Variants in PLEKHA3 observed in about 807,000 individuals in gnomAD.
PLEKHA3 encodes pleckstrin homology domain containing A3.
PLEKHA3 carries 19 observed loss-of-function variants against 39.2 expected under a neutral mutation model. That is an observed-to-expected ratio of 0.48 (90% CI 0.34 to 0.71). PLEKHA3 has a LOEUF of 0.71. Among genes scored for constraint, PLEKHA3 ranks in the 30% least tolerant of loss-of-function variants. The pLI, the probability that PLEKHA3 is intolerant of heterozygous loss-of-function variation, is 0.01. For synonymous variants in PLEKHA3, 97 were observed against 118.6 expected, an observed-to-expected ratio of 0.82 and a Z score of 1.18; for missense variants, 253 against 359.5, an observed-to-expected ratio of 0.70 and a Z score of 2.40.
chr2:178,485,538 G>A (rs1685234939), intron 1 of PLEKHA3, 103 bp from the exon 2 acceptor site: 1 of 737,196 alleles, frequency 1.4e-6, no homozygotes, highest in African/African-American at 1.8e-5. Flanking sequence ...TGTTATTTGA[G>A]AGCCAAGAAA....
At chr2:178,503,048 A>G (rs1236657432) in intron 7 of PLEKHA3, among the ~76,000 whole-genome samples, 3 of 152,050 alleles carry the variant, frequency 2.0e-5, no homozygotes, top group East Asian at 1.9e-4. Context: ...TGTGAGATGC[A>G]ACTGCTTCTA....
At position 178,510,917 on chromosome 2, in the gene PLEKHA3, T is replaced by G. The variant is rs779884458; in HGVS notation, c.*7030T>G. On this transcript the variant is annotated 3_prime_UTR_variant, in exon 8 of 8. Coordinates refer to ENST00000234453, the MANE Select transcript of PLEKHA3 (RefSeq NM_019091.4). ...AATTTAAATACTATGTTCAATTTTT[T>G]TAATGGTCTGCTTCAGATTTTTTTT... 1 of 152,218 alleles carries G rather than the reference T, an allele frequency of 6.6e-6. No individual in the cohort carries two copies. 9.4% of individuals were successfully genotyped at this position (152,218 alleles called of 1,614,324 possible). A position where few individuals can be genotyped will look rare whatever the true frequency, so the allele number is the denominator to read the frequency against.
intron 5 of PLEKHA3, among the ~76,000 whole-genome samples, chr2:178,497,539 T>C (rs1220238084): frequency 2.0e-5 from 3 of 152,236 alleles, no homozygotes; most frequent in African/African-American, 7.2e-5. Context: ...CCATTTTATG[T>C]ATTTTTTAAT....
At chr2:178,497,759 T>G (rs1685470831) in intron 5 of PLEKHA3, among the ~76,000 whole-genome samples, 1 of 151,896 alleles carries the variant, frequency 6.6e-6, no homozygotes, top group Non-Finnish European at 1.5e-5. Flanking sequence ...CTTTTTAGAG[T>G]CAAATGCAGT....
chr2:178,492,760 A>G (rs1685372474), intron 3 of PLEKHA3, among the ~76,000 whole-genome samples: 2 of 152,162 alleles, frequency 1.3e-5, no homozygotes, highest in South Asian at 4.1e-4. Flanking sequence ...GGGAGGTGGA[A>G]ACAGGGTTAG....
At position 178,508,050 on chromosome 2, in the gene PLEKHA3, GGTGTGTGTGT is replaced by G. The variant is rs71023446; in HGVS notation, c.*4193_*4202del. 1.8e-4 allele frequency: 25 copies of G among 142,438 alleles called. No homozygotes were observed. The highest frequency in any genetic ancestry group is 4.6e-4 in the South Asian group (2 of 4,378). The allele number at this position is 142,438 out of a possible 1,614,324, so 8.8% of individuals were successfully genotyped here. A position where few individuals can be genotyped will look rare whatever the true frequency, so the allele number is the denominator to read the frequency against. On this transcript the variant is annotated 3_prime_UTR_variant, in exon 8 of 8. Transcript: ENST00000234453. ...TAGAGATTTGTCTGCTTCAGTTCTGGGTGTGTGTGTGTGTGTGTGTGTGTGTGTGTGTGTG... is the reference window on the plus strand; with the variant it reads ...TAGAGATTTGTCTGCTTCAGTTCTGGGTGTGTGTGTGTGTGTGTGTGTGTG...
intron 2 of PLEKHA3, among the ~76,000 whole-genome samples, chr2:178,488,368 T>G (rs1685286960): frequency 6.6e-6 from 1 of 152,270 alleles, no homozygotes; most frequent in Non-Finnish European, 1.5e-5. Context: ...TATTGGATCC[T>G]TTTATGACCC....
At chr2:178,489,055 GTAGCAACATCAT>G (rs1286365997) in intron 2 of PLEKHA3, 1 of 411,018 alleles carries the variant, frequency 2.4e-6, no homozygotes, top group Non-Finnish European at 4.9e-6. Context: ...GTTTCATCTT[GTAGCAACATCAT>G]TAGAAATTAG....
intron 3 of PLEKHA3, among the ~76,000 whole-genome samples, chr2:178,491,632 G>A (rs1377019653): frequency 6.6e-6 from 1 of 152,178 alleles, no homozygotes; most frequent in Non-Finnish European, 1.5e-5. Context: ...TATGTTATTA[G>A]TTCAACTATA....
intron 5 of PLEKHA3, 121 bp from the exon 6 acceptor site, chr2:178,499,090 G>A: frequency 1.3e-6 from 1 of 796,920 alleles, no homozygotes; most frequent in Non-Finnish European, 1.8e-6. Context: ...ATTTTTTTTT[G>A]CCAGTTATCT....
chr2:178,506,643 G>A lies in PLEKHA3; in HGVS notation c.*2756G>A, dbSNP rs1685603865. 1 of 152,168 alleles carries A rather than the reference G, an allele frequency of 6.6e-6. No individual in the cohort carries two copies. The highest frequency in any genetic ancestry group is 2.1e-4 in the South Asian group (1 of 4,830). The allele number at this position is 152,168 out of a possible 1,614,324, so 9.4% of individuals were successfully genotyped here. A position where few individuals can be genotyped will look rare whatever the true frequency, so the allele number is the denominator to read the frequency against. ...CCTTGTGATATGTTAATACCAGATT[G>A]CTGTTTACACTAATTCCATATACAT... On this transcript the variant is annotated 3_prime_UTR_variant, in exon 8 of 8. Transcript: ENST00000234453.
Position 178,506,843 on chromosome 2 carries a change from CG to C in PLEKHA3, c.*2959del. The C allele has an allele frequency of 6.6e-6, 1 of 152,170 alleles. No individual in the cohort carries two copies. 9.4% of individuals were successfully genotyped at this position (152,170 alleles called of 1,614,324 possible). A position where few individuals can be genotyped will look rare whatever the true frequency, so the allele number is the denominator to read the frequency against. The stretch of plus-strand genomic sequence containing the variant: ...GAGGTCTGTCTTTTAATAACCCTGG[CG>C]GGTAAATGAATGGTAGGTAGCTGGT... On this transcript the variant is annotated 3_prime_UTR_variant, in exon 8 of 8. Transcript: ENST00000234453.
intron 6 of PLEKHA3, among the ~76,000 whole-genome samples, 162 bp downstream of exon 6, chr2:178,499,416 AT>A (rs1685495777): frequency 1.3e-5 from 2 of 152,162 alleles, no homozygotes; most frequent in Admixed American, 1.3e-4. Flanking sequence ...AGTATTTAGT[AT>A]AAGGGCCTGG....
At position 178,506,755 on chromosome 2, in the gene PLEKHA3, T is replaced by C. The variant is rs898198770; in HGVS notation, c.*2868T>C. ...TACTTTGAGCCTTGATCTGGGTACT[T>C]GGTACAGAGGGAGTGTCCTGGCCTG... On this transcript the variant is annotated 3_prime_UTR_variant, in exon 8 of 8. Coordinates refer to ENST00000234453, the MANE Select transcript of PLEKHA3 (RefSeq NM_019091.4). The C allele has an allele frequency of 6.6e-6, 1 of 152,174 alleles. No individual in the cohort carries two copies. Among genetic ancestry groups the C allele is most frequent in the Admixed American group, 6.6e-5 (1 of 15,266 alleles). 9.4% of individuals were successfully genotyped at this position (152,174 alleles called of 1,614,324 possible).
chr2:178,480,958 T>C (rs1337498898), intron 1 of PLEKHA3, 49 bp downstream of exon 1: 2 of 1,298,074 alleles, frequency 1.5e-6, no homozygotes, highest in East Asian at 5.6e-5. Context: ...GGGGGGCTGC[T>C]GAGAAGGCGG....
In PLEKHA3 at chr2:178,509,307, C is replaced by A. The variant is rs891423427; in HGVS notation, c.*5420C>A. On this transcript the variant is annotated 3_prime_UTR_variant, in exon 8 of 8. Transcript: ENST00000234453. ...CTTTAGTATTAATTTGTAATTCATT[C>A]TAGTGATTTTTAATTCATATGGTTT... 79 of 151,968 alleles carry A rather than the reference C, an allele frequency of 5.2e-4. No individual in the cohort carries two copies. Among genetic ancestry groups the A allele is most frequent in the African/African-American group, 1.9e-3 (77 of 41,360 alleles). 9.4% of individuals were successfully genotyped at this position (151,968 alleles called of 1,614,324 possible). A position where few individuals can be genotyped will look rare whatever the true frequency, so the allele number is the denominator to read the frequency against.
Position 178,512,942 on chromosome 2 carries a change from A to G in PLEKHA3, c.*9055A>G, listed in dbSNP as rs530859395. ...TCTTTTCTAGTATATATTCTTCCAG[A>G]CCTTTTTCCTGTGTATTGACTTTTA... On this transcript the variant is annotated 3_prime_UTR_variant, in exon 8 of 8. Transcript: ENST00000234453. 4 of 153,678 alleles carry G rather than the reference A, an allele frequency of 2.6e-5. No individual in the cohort carries two copies. The Admixed American group carries it at 2.6e-4, about 10-fold the overall frequency. 9.5% of individuals were successfully genotyped at this position (153,678 alleles called of 1,614,324 possible). A position where few individuals can be genotyped will look rare whatever the true frequency, so the allele number is the denominator to read the frequency against.
chr2:178,494,611 G>T (rs1685409827), intron 4 of PLEKHA3, among the ~76,000 whole-genome samples: 1 of 152,148 alleles, frequency 6.6e-6, no homozygotes, highest in Non-Finnish European at 1.5e-5. Flanking sequence ...GGAATCTTGT[G>T]TAAGAAGCCC....
At position 178,514,237 on chromosome 2, in the gene PLEKHA3, G is replaced by C. The variant is rs1392882056; in HGVS notation, c.*10350G>C. On this transcript the variant is annotated 3_prime_UTR_variant, in exon 8 of 8. Coordinates refer to ENST00000234453, the MANE Select transcript of PLEKHA3 (RefSeq NM_019091.4). ...CTCCTGTGTCATCTCTGATGTTGTG[G>C]CTAATTTTAAGACTTTGATTTTTCA... 5 of 150,718 alleles carry C rather than the reference G, an allele frequency of 3.3e-5. No homozygotes were observed. Among genetic ancestry groups the C allele is most frequent in the African/African-American group, 4.9e-5 (2 of 40,862 alleles). 9.3% of individuals were successfully genotyped at this position (150,718 alleles called of 1,614,324 possible). A position where few individuals can be genotyped will look rare whatever the true frequency, so the allele number is the denominator to read the frequency against.
Sources: allele counts gnomAD v4.1 joint callset (sites outside exome capture counted in the v4.1 genomes callset), GRCh38; gene constraint gnomAD v4.1.1; transcripts MANE v1.5; gene names NCBI Gene and HGNC (gene_info 2026-07-23, HGNC 2026-07-21).